MTMR8: variants seen among roughly 807,000 people sequenced by gnomAD.
The protein encoded by MTMR8 is myotubularin related protein 8.
MTMR8 carries 65 observed loss-of-function variants against 39.3 expected under a neutral mutation model. That is an observed-to-expected ratio of 1.65 (90% CI 1.35 to 2.03). MTMR8 has a LOEUF of 2.03. Ranked by LOEUF, MTMR8 falls within the 30% of genes most tolerant of loss-of-function variation. The probability of loss-of-function intolerance (pLI) is 0.00; values close to 1 mark genes in which losing one functional copy is unlikely to be tolerated. For synonymous variants in MTMR8, 245 were observed against 185.2 expected, an observed-to-expected ratio of 1.32 and a Z score of -2.62; for missense variants, 777 against 538.9, an observed-to-expected ratio of 1.44 and a Z score of -4.37.
chrX:64,387,215 T>A, intron 1 of MTMR8, among the ~76,000 whole-genome samples: 1 of 111,122 alleles, frequency 9.0e-6, no homozygotes, highest in South Asian at 3.8e-4. Flanking sequence ...GGATGAGTAG[T>A]AGGAATTGAA....
At chrX:64,269,479 A>G (rs1018806398) in intron 13 of MTMR8, among the ~76,000 whole-genome samples, 7 of 111,542 alleles carry the variant, frequency 6.3e-5, no homozygotes, top group African/African-American at 2.3e-4. Flanking sequence ...AAATTCGCAC[A>G]TGTACAAAGT....
chrX:64,269,789 A>T lies in MTMR8; in HGVS notation c.1609-746T>A, dbSNP rs558217352. Among the ~76,000 whole-genome samples, 62 of 110,925 alleles carry T rather than the reference A, an allele frequency of 5.6e-4. No individual in the cohort carries two copies. The Middle Eastern group carries it at 0.023, about 41-fold the overall frequency. On this transcript the variant is annotated intron_variant, in intron 13 of 13. Transcript: ENST00000374852. ...CTAACTTAACACTTATATTGCCTTT[A>T]AAAAAAAGTCAACAGGGTTGTCTGG...
At chrX:64,312,183 C>A (rs1922328323) in intron 12 of MTMR8, among the ~76,000 whole-genome samples, 1 of 111,417 alleles carries the variant, frequency 9.0e-6, no homozygotes, top group Non-Finnish European at 1.9e-5. Flanking sequence ...TTTCGTTGAG[C>A]AGTGGTTTTT....
intron 1 of MTMR8, among the ~76,000 whole-genome samples, chrX:64,367,160 AG>A (rs1337479068): frequency 1.8e-5 from 2 of 111,946 alleles, no homozygotes; most frequent in African/African-American, 6.5e-5. Context: ...ACAGATTCAT[AG>A]CCGAATTCTA....
At position 64,343,811 on chromosome X, in the gene MTMR8, G is replaced by A. The variant is rs929121833; in HGVS notation, c.866-91C>T. On this transcript the variant is annotated intron_variant, in intron 7 of 13. Coordinates refer to ENST00000374852, the MANE Select transcript of MTMR8 (RefSeq NM_017677.4). ...AAGTGGATCTCCATATCGTAAGTGA[G>A]GAAGCTGAGGCAGAAAGGTTAAATG... is the stretch of plus-strand genomic sequence containing the variant. The A allele has an allele frequency of 1.0e-5, 6 of 595,863 alleles. No individual in the cohort carries two copies. The African/African-American group carries it at 1.1e-4, about 11-fold the overall frequency. 49.1% of individuals were successfully genotyped at this position (595,863 alleles called of 1,213,427 possible).
intron 1 of MTMR8, among the ~76,000 whole-genome samples, chrX:64,389,449 G>A (rs1924641094): frequency 8.9e-6 from 1 of 112,121 alleles, no homozygotes; most frequent in East Asian, 2.8e-4. Flanking sequence ...AAATCCCAGT[G>A]GTTTCTAGGA....
At chrX:64,290,447 A>T (rs183904464) in intron 12 of MTMR8, among the ~76,000 whole-genome samples, 193 of 110,416 alleles carry the variant, frequency 1.7e-3, no homozygotes, top group South Asian at 0.01. Context: ...TATATATATA[A>T]AAAAAAGAAA....
At chrX:64,317,482 G>A (rs1357067239) in intron 12 of MTMR8, among the ~76,000 whole-genome samples, 1 of 111,471 alleles carries the variant, frequency 9.0e-6, no homozygotes, top group East Asian at 2.8e-4. Flanking sequence ...CTGCTGTTGA[G>A]CTGATCCATT....
intron 10 of MTMR8, among the ~76,000 whole-genome samples, chrX:64,334,567 G>C (rs1429853478): frequency 2.5e-5 from 2 of 79,284 alleles, no homozygotes; most frequent in African/African-American, 4.6e-5. Flanking sequence ...AAATCTTTCA[G>C]CTTAAAAAAA....
chrX:64,351,921 T>C (rs1923496827), intron 4 of MTMR8, among the ~76,000 whole-genome samples: 1 of 110,840 alleles, frequency 9.0e-6, no homozygotes, highest in Admixed American at 9.5e-5. Context: ...GTCCACTGAC[T>C]CAAAGGTTAA....
At chrX:64,270,117 T>C (rs1931725737) in intron 13 of MTMR8, among the ~76,000 whole-genome samples, 2 of 110,571 alleles carry the variant, frequency 1.8e-5, no homozygotes, top group African/African-American at 6.6e-5. Context: ...GGATGCATGT[T>C]TCCTACGATT....
intron 1 of MTMR8, among the ~76,000 whole-genome samples, chrX:64,366,372 A>C (rs1923956518): frequency 8.9e-6 from 1 of 111,881 alleles, no homozygotes; most frequent in Admixed American, 9.5e-5. Context: ...CACTCCTCAG[A>C]AAATATAAAA....
chrX:64,377,821 T>C (rs1924309742), intron 1 of MTMR8, among the ~76,000 whole-genome samples: 1 of 111,953 alleles, frequency 8.9e-6, no homozygotes, highest in Admixed American at 9.4e-5. Context: ...TGGCTCTATG[T>C]CCCCACCCAA....
chrX:64,312,068 G>A (rs1922322220), intron 12 of MTMR8, among the ~76,000 whole-genome samples: 1 of 111,056 alleles, frequency 9.0e-6, no homozygotes, highest in Admixed American at 9.6e-5. Context: ...GATGGGGATG[G>A]CATTGAATCT....
At chrX:64,348,609 G>A (rs1201595738) in intron 6 of MTMR8, 51 bp downstream of exon 6, 1 of 1,190,242 alleles carries the variant, frequency 8.4e-7, no homozygotes, top group African/African-American at 1.7e-5. Flanking sequence ...TATATGAGGA[G>A]GTAGAATGCA....
chrX:64,299,040 C>G (rs1333195895), intron 12 of MTMR8, among the ~76,000 whole-genome samples: 1 of 64,498 alleles, frequency 1.6e-5, no homozygotes, highest in Non-Finnish European at 2.6e-5. Context: ...CTAAAATTCT[C>G]TTTTTTGGTT....
intron 12 of MTMR8, among the ~76,000 whole-genome samples, chrX:64,324,778 C>A (rs1394808390): frequency 1.1e-5 from 1 of 94,933 alleles, no homozygotes. Context: ...CTCAGCCCGC[C>A]TGCACCCAGG....
intron 2 of MTMR8, among the ~76,000 whole-genome samples, chrX:64,358,878 C>T (rs76130870): frequency 2.8e-5 from 3 of 107,025 alleles, no homozygotes; most frequent in South Asian, 8.2e-4. Flanking sequence ...CACACACACA[C>T]ATATATATAT....
chrX:64,296,213 C>G (rs1383437543), intron 12 of MTMR8, among the ~76,000 whole-genome samples: 3 of 111,468 alleles, frequency 2.7e-5, no homozygotes, highest in Non-Finnish European at 3.8e-5. Context: ...CAAACACATA[C>G]AAAAACAAAT....
Sources: gnomAD v4.1 joint callset for allele counts (sites outside exome capture counted in the v4.1 genomes callset) on GRCh38, gnomAD v4.1.1 for gene constraint, MANE v1.5 for transcripts, NCBI Gene and HGNC (gene_info 2026-07-23, HGNC 2026-07-21) for gene names.